GNB1L: variants seen among roughly 807,000 people sequenced by gnomAD.
GNB1L encodes G protein subunit beta 1 like, also known as guanine nucleotide-binding protein subunit beta-like protein 1.
Under a neutral mutation model 29.1 loss-of-function variants are expected in GNB1L, and 20 were observed. That is an observed-to-expected ratio of 0.69 (90% CI 0.48 to 1.00). GNB1L has a LOEUF of 1.00. Ranked by LOEUF, GNB1L falls within the 50% of genes least tolerant of loss-of-function variation. The pLI is 0.00. For synonymous variants in GNB1L, 193 were observed against 206.5 expected (o/e 0.93, Z 0.56); for missense variants, 421 against 464.9 (o/e 0.91, Z 0.87).
In GNB1L at chr22:19,851,993, C is replaced by T. The variant is rs79220086; in HGVS notation, c.-21+2450G>A. 6.8e-3 allele frequency: 11,054 copies of T among 1,614,148 alleles called. 258 individuals carry two copies. The highest frequency in any genetic ancestry group is 0.065 in the Admixed American group (3,919 of 60,022). On this transcript the variant is annotated intron_variant, in intron 2 of 7. Coordinates refer to ENST00000329517, the MANE Select transcript of GNB1L (RefSeq NM_053004.3). ...CCAGCAGAAGTCCACCCTGTGGGGTCGGGAGCTGGGCATGTGCCCAGCTAG... is the reference window on the plus strand; with the variant it reads ...CCAGCAGAAGTCCACCCTGTGGGGTTGGGAGCTGGGCATGTGCCCAGCTAG...
Position 19,787,663 on chromosome 22 carries a change from C to CG in GNB1L, c.*1045dup, listed in dbSNP as rs987462514. The CG allele has an allele frequency of 6.6e-6, 1 of 152,260 alleles. No individual in the cohort carries two copies. Among genetic ancestry groups the CG allele is most frequent in the Non-Finnish European group, 1.5e-5 (1 of 68,076 alleles). 9.4% of individuals were successfully genotyped at this position (152,260 alleles called of 1,614,324 possible). The stretch of plus-strand genomic sequence containing the variant: ...GCAACTGCCTCAAGGGAGGCCACCC[C>CG]GGGCCTTCAGCTAGAGGGGCTCTTC... On this transcript the variant is annotated 3_prime_UTR_variant, in exon 8 of 8. Transcript: ENST00000329517.
At chr22:19,826,727 C>T (rs918999843) in intron 2 of GNB1L, among the ~76,000 whole-genome samples, 2 of 152,316 alleles carry the variant, frequency 1.3e-5, no homozygotes, top group Middle Eastern at 3.4e-3. Flanking sequence ...CTGGCTGTCA[C>T]CACTTTCACC....
intron 6 of GNB1L, among the ~76,000 whole-genome samples, chr22:19,803,716 G>T (rs1019135949): frequency 6.6e-6 from 1 of 151,422 alleles, no homozygotes; most frequent in Admixed American, 6.6e-5. Context: ...CACAGTGGGT[G>T]AGGGCCAGGC....
chr22:19,793,662 A>C (rs1379290664), intron 7 of GNB1L, among the ~76,000 whole-genome samples: 1 of 152,252 alleles, frequency 6.6e-6, no homozygotes, highest in East Asian at 1.9e-4. Flanking sequence ...AAAAATCTTG[A>C]AAGCAGCCAC....
At chr22:19,791,000 G>A (rs1569036991) in intron 7 of GNB1L, among the ~76,000 whole-genome samples, 1 of 152,190 alleles carries the variant, frequency 6.6e-6, no homozygotes, top group East Asian at 1.9e-4. Context: ...GGAGGCCAAG[G>A]CAGGAGGACT....
chr22:19,789,751 A>G (rs1937232099), intron 7 of GNB1L, among the ~76,000 whole-genome samples: 1 of 150,446 alleles, frequency 6.6e-6, no homozygotes, highest in Non-Finnish European at 1.5e-5. Flanking sequence ...GAGGAGGATC[A>G]CCTGAGCCCA....
chr22:19,829,899 A>G (rs1255119668), intron 2 of GNB1L, among the ~76,000 whole-genome samples: 2 of 152,172 alleles, frequency 1.3e-5, no homozygotes, highest in African/African-American at 2.4e-5. Context: ...ATATTATTTT[A>G]TGAAGAAATA....
Position 19,816,492 on chromosome 22 carries a change from A to G in GNB1L, c.255-4045T>C, listed in dbSNP as rs993601615. Among the ~76,000 whole-genome samples the G allele has an allele frequency of 6.6e-6, 1 of 152,130 alleles. No homozygotes were observed. The highest frequency in any genetic ancestry group is 2.4e-5 in the African/African-American group (1 of 41,424). ...CTCACTCAGCTTAGGACACACAGGC[A>G]TTTAGAAGCCAGGACCTGGGTGTCC... On this transcript the variant is annotated intron_variant, in intron 4 of 7. Coordinates refer to ENST00000329517, the MANE Select transcript of GNB1L (RefSeq NM_053004.3). This position sits in a 1 kb window ranked among gnomAD's most constrained non-coding sequence, Gnocchi z 4.4.
intron 2 of GNB1L, among the ~76,000 whole-genome samples, chr22:19,836,719 A>T (rs1235014705): frequency 6.6e-6 from 1 of 152,198 alleles, no homozygotes; most frequent in African/African-American, 2.4e-5. Flanking sequence ...AAAAGAATAC[A>T]CTGGAGCCAA....
chr22:19,844,528 G>C (rs1425543242), intron 2 of GNB1L, among the ~76,000 whole-genome samples: 1 of 152,254 alleles, frequency 6.6e-6, no homozygotes, highest in East Asian at 1.9e-4. Context: ...CTGCAAGTCA[G>C]ACTTCTCCTT....
At chr22:19,851,139 G>A (rs1264983773) in intron 2 of GNB1L, 3 of 1,558,924 alleles carry the variant, frequency 1.9e-6, no homozygotes, top group Non-Finnish European at 2.6e-6. Flanking sequence ...CATCATGAGG[G>A]GCAGCATTGT....
chr22:19,837,496 T>A (rs770157524), intron 2 of GNB1L, among the ~76,000 whole-genome samples: 1 of 152,178 alleles, frequency 6.6e-6, no homozygotes, highest in Non-Finnish European at 1.5e-5. Context: ...ATACTCAACA[T>A]CTTTAGTCGC....
At chr22:19,846,257 C>T (rs768865964) in intron 2 of GNB1L, 6 of 219,504 alleles carry the variant, frequency 2.7e-5, no homozygotes, top group Non-Finnish European at 4.6e-5. Context: ...TCCCTTCTGC[C>T]GCAGTTACAC....
intron 2 of GNB1L, among the ~76,000 whole-genome samples, chr22:19,825,025 G>A (rs1216782260): frequency 1.3e-5 from 2 of 152,222 alleles, no homozygotes. Context: ...CCAACGTGGG[G>A]AGCCACCACC....
At chr22:19,849,059 G>A (rs1938032063) in intron 2 of GNB1L, 15 of 985,482 alleles carry the variant, frequency 1.5e-5, no homozygotes, top group South Asian at 4.7e-5. Flanking sequence ...CGGACGGAGG[G>A]CAGCTGTGAC....
intron 7 of GNB1L, among the ~76,000 whole-genome samples, chr22:19,793,417 C>T (rs533497192): frequency 1.3e-5 from 2 of 152,158 alleles, no homozygotes; most frequent in African/African-American, 4.8e-5. Context: ...AACGACTGAA[C>T]CAAAACAAAC....
At chr22:19,840,894 G>A (rs1437603829) in intron 2 of GNB1L, among the ~76,000 whole-genome samples, 3 of 152,006 alleles carry the variant, frequency 2.0e-5, no homozygotes, top group African/African-American at 7.2e-5. Flanking sequence ...AAACCCTTAA[G>A]CTCAGTCTAA....
chr22:19,808,343 G>A (rs1477360032), intron 5 of GNB1L, among the ~76,000 whole-genome samples: 2 of 152,210 alleles, frequency 1.3e-5, no homozygotes, highest in Non-Finnish European at 2.9e-5. Context: ...GGGCCCCCGG[G>A]GAACAAACAG....
chr22:19,836,396 A>G (rs200711981), intron 2 of GNB1L, among the ~76,000 whole-genome samples: 2 of 15,326 alleles, frequency 1.3e-4, no homozygotes, highest in African/African-American at 3.9e-4. Context: ...ATCCTTGGGG[A>G]AAAAAAAAAA....
Sources: gnomAD v4.1 joint callset for allele counts (sites outside exome capture counted in the v4.1 genomes callset) on GRCh38, gnomAD v4.1.1 for gene constraint, Gnocchi (gnomAD v3.1) non-coding constraint, MANE v1.5 for transcripts, NCBI Gene and HGNC (gene_info 2026-07-23, HGNC 2026-07-21) for gene names.